Variants in GAREM1 observed in about 807,000 individuals in gnomAD.
GAREM1 encodes GRB2-associated and regulator of MAPK protein 1.
In GAREM1, 26 loss-of-function variants were observed where a neutral mutation model predicts 71.3. The ratio of observed to expected loss-of-function variants is 0.36; its 90% confidence interval spans 0.27 to 0.51. The LOEUF (loss-of-function observed/expected upper bound fraction) is 0.51. Among genes scored for constraint, GAREM1 ranks in the 20% least tolerant of loss-of-function variants. The pLI is 0.95. For missense variants in GAREM1, 1,026 were observed against 1,103.1 expected, an observed-to-expected ratio of 0.93 and a Z score of 0.99; for synonymous variants, 440 against 433.2, an observed-to-expected ratio of 1.02 and a Z score of -0.20.
Position 32,270,220 on chromosome 18 carries a change from T to A in GAREM1, c.1730A>T (p.Asn577Ile). The change falls in exon 5 of 6, where the codon AAC becomes ATC. Residue 577 changes from asparagine (N) to isoleucine (I), a missense_variant. Physicochemically the swap from Asn to Ile is moderately radical, Grantham distance 149. Transcript: ENST00000269209. ...TLSYYSSGLHNISVTKTDTNP... is the reference protein window; with the variant it reads ...TLSYYSSGLHIISVTKTDTNP... ...GGGACCTGGCAGGAAGACTTACATG[T>A]TGTGTAGCCCTGAAGAATAGTAGGA... is the stretch of plus-strand genomic sequence containing the variant. 6.2e-7 allele frequency: 1 copy of A among 1,613,620 alleles called. No individual in the cohort carries two copies. Among genetic ancestry groups the A allele is most frequent in the Non-Finnish European group, 8.5e-7 (1 of 1,179,842 alleles).
intron 3 of GAREM1, among the ~76,000 whole-genome samples, chr18:32,300,647 C>T (rs1481995359): frequency 6.6e-6 from 1 of 152,188 alleles, no homozygotes; most frequent in Non-Finnish European, 1.5e-5. Flanking sequence ...TGGCTCACAC[C>T]TGTAATCCCA....
chr18:32,264,526 A>G lies in GAREM1; in HGVS notation c.*3345T>C, dbSNP rs2041347288. ...GAATGTGAGCAGAGACTGTTTATGC[A>G]TGTGTCTGAGAACAGTTGGAACGGA... On this transcript the variant is annotated 3_prime_UTR_variant, in exon 6 of 6. Transcript: ENST00000269209. 6.6e-6 allele frequency: 1 copy of G among 152,176 alleles called. No homozygotes were observed. The highest frequency in any genetic ancestry group is 1.5e-5 in the Non-Finnish European group (1 of 68,036). 9.4% of individuals were successfully genotyped at this position (152,176 alleles called of 1,614,324 possible). A position where few individuals can be genotyped will look rare whatever the true frequency, so the allele number is the denominator to read the frequency against.
chr18:32,413,960 T>C (rs1412777903), intron 1 of GAREM1, among the ~76,000 whole-genome samples: 6 of 152,258 alleles, frequency 3.9e-5, no homozygotes, highest in African/African-American at 9.6e-5. Context: ...CATACTTACA[T>C]AGGAATATTT....
At chr18:32,283,096 C>T (rs1182555045) in intron 4 of GAREM1, among the ~76,000 whole-genome samples, 1 of 152,230 alleles carries the variant, frequency 6.6e-6, no homozygotes, top group East Asian at 1.9e-4. Flanking sequence ...ACTGGGCATG[C>T]TCCCTCAGTT....
chr18:32,465,551 C>T (rs2048991194), intron 1 of GAREM1, among the ~76,000 whole-genome samples: 1 of 152,202 alleles, frequency 6.6e-6, no homozygotes, highest in Non-Finnish European at 1.5e-5. Flanking sequence ...TCCTGTTCTA[C>T]CTACTTAGCA....
chr18:32,321,446 G>T (rs916817124), intron 2 of GAREM1, among the ~76,000 whole-genome samples: 1 of 152,076 alleles, frequency 6.6e-6, no homozygotes. Flanking sequence ...CCTCCTGGGG[G>T]AACTCCTCTA....
chr18:32,427,427 G>A (rs559902970), intron 1 of GAREM1, among the ~76,000 whole-genome samples: 1 of 152,318 alleles, frequency 6.6e-6, no homozygotes, highest in East Asian at 1.9e-4. Flanking sequence ...GAGCTGGAGA[G>A]AGAACCAGGA....
intron 2 of GAREM1, among the ~76,000 whole-genome samples, chr18:32,366,220 C>T (rs916194879): frequency 2.0e-5 from 3 of 152,170 alleles, no homozygotes; most frequent in Non-Finnish European, 4.4e-5. Context: ...CAGCTAGGAA[C>T]CCCTTTCTAA....
chr18:32,361,983 T>A (rs1489176678), intron 2 of GAREM1, among the ~76,000 whole-genome samples: 4 of 152,186 alleles, frequency 2.6e-5, no homozygotes, highest in Non-Finnish European at 5.9e-5. Context: ...TTTCAAGCAA[T>A]GTTACAAAAA....
At chr18:32,332,264 T>C (rs982158182) in intron 2 of GAREM1, among the ~76,000 whole-genome samples, 2 of 151,846 alleles carry the variant, frequency 1.3e-5, no homozygotes, top group African/African-American at 4.8e-5. Context: ...GAGCGCATTG[T>C]GCTCTGAGCA....
chr18:32,335,339 G>A (rs1051485223), intron 2 of GAREM1, among the ~76,000 whole-genome samples: 2 of 152,182 alleles, frequency 1.3e-5, no homozygotes, highest in African/African-American at 4.8e-5. Flanking sequence ...TTAAGTTGGA[G>A]GCTTTGACTC....
At chr18:32,409,272 G>C (rs943103512) in intron 1 of GAREM1, among the ~76,000 whole-genome samples, 1 of 152,138 alleles carries the variant, frequency 6.6e-6, no homozygotes, top group Admixed American at 6.6e-5. Flanking sequence ...AAAGAAAGCA[G>C]AGTATATAAG....
At chr18:32,445,492 C>T (rs926947797) in intron 1 of GAREM1, among the ~76,000 whole-genome samples, 2 of 152,046 alleles carry the variant, frequency 1.3e-5, no homozygotes, top group African/African-American at 4.8e-5. Context: ...ACCCCATTCA[C>T]ATTGTTATTT....
intron 2 of GAREM1, among the ~76,000 whole-genome samples, chr18:32,367,931 A>G (rs1308117754): frequency 6.6e-6 from 1 of 152,230 alleles, no homozygotes; most frequent in Non-Finnish European, 1.5e-5. Flanking sequence ...AAAGAAGACC[A>G]TGAAATGTTT....
At chr18:32,344,862 C>A (rs1241091149) in intron 2 of GAREM1, among the ~76,000 whole-genome samples, 1 of 152,124 alleles carries the variant, frequency 6.6e-6, no homozygotes, top group African/African-American at 2.4e-5. Context: ...GAGTTTGAGA[C>A]CAGCCTGGCC....
At chr18:32,387,361 C>T (rs2048158455) in intron 2 of GAREM1, among the ~76,000 whole-genome samples, 2 of 152,032 alleles carry the variant, frequency 1.3e-5, no homozygotes, top group Non-Finnish European at 2.9e-5. Flanking sequence ...CAGGTCCAGG[C>T]AGTTTGGAAT....
chr18:32,329,876 T>C (rs2047514766), intron 2 of GAREM1, among the ~76,000 whole-genome samples: 1 of 152,140 alleles, frequency 6.6e-6, no homozygotes, highest in African/African-American at 2.4e-5. Flanking sequence ...CCAGCAATTC[T>C]ACCCCTGTGT....
At chr18:32,407,351 C>T (rs1421113977) in intron 1 of GAREM1, among the ~76,000 whole-genome samples, 3 of 152,162 alleles carry the variant, frequency 2.0e-5, no homozygotes, top group Non-Finnish European at 4.4e-5. Flanking sequence ...AAGATGGTGA[C>T]AGTGGTTCTG....
At chr18:32,281,712 T>C (rs919350256) in intron 4 of GAREM1, among the ~76,000 whole-genome samples, 4 of 152,228 alleles carry the variant, frequency 2.6e-5, no homozygotes, top group African/African-American at 7.2e-5. Context: ...CGGTGGCTCA[T>C]GCCTGTAATC....
Sources: allele counts gnomAD v4.1 joint callset (sites outside exome capture counted in the v4.1 genomes callset), GRCh38; gene constraint gnomAD v4.1.1; transcripts MANE v1.5; gene names NCBI Gene and HGNC (gene_info 2026-07-23, HGNC 2026-07-21).